Variants in SLC11A2 observed in about 807,000 individuals in gnomAD.
SLC11A2 encodes natural resistance-associated macrophage protein 2.
SLC11A2 carries 38 observed loss-of-function variants against 68.0 expected under a neutral mutation model. The observed-to-expected ratio is 0.56, with a 90% CI of 0.43 to 0.73. The LOEUF is 0.73. Among genes scored for constraint, SLC11A2 ranks in the 30% least tolerant of loss-of-function variants. The pLI is 0.00. For missense variants in SLC11A2, 517 were observed against 690.5 expected (o/e 0.75, Z 2.82); for synonymous variants, 242 against 250.6 (o/e 0.97, Z 0.32).
intron 3 of SLC11A2, 74 bp from the exon 4 acceptor site, chr12:51,005,510 T>C (rs1592381409): frequency 6.2e-7 from 1 of 1,600,048 alleles, no homozygotes; most frequent in Non-Finnish European, 8.5e-7. Flanking sequence ...TGTTATCACA[T>C]ATGAAGCAAC....
chr12:50,996,797 G>A lies in SLC11A2; in HGVS notation c.831+20C>T. On this transcript the variant is annotated intron_variant, in intron 9 of 15. Coordinates refer to ENST00000262052, the MANE Select transcript of SLC11A2 (RefSeq NM_000617.3). ...CCCATGAACTGTCTAGGAGGTGAAG[G>A]AGATAAGGGCCTTGCTCACCTTGAC... 1 of 1,613,122 alleles carries A rather than the reference G, an allele frequency of 6.2e-7. No individual in the cohort carries two copies. The highest frequency in any genetic ancestry group is 1.1e-5 in the South Asian group (1 of 91,054).
At chr12:50,996,787 G>T (rs1941740408) in intron 9 of SLC11A2, 30 bp downstream of exon 9, 1 of 1,609,614 alleles carries the variant, frequency 6.2e-7, no homozygotes, top group Non-Finnish European at 8.5e-7. Context: ...GAACTGTCTA[G>T]GAGGTGAAGG....
At position 50,996,713 on chromosome 12, in the gene SLC11A2, C is replaced by T. The variant is rs1941734644; in HGVS notation, c.831+104G>A. ...TCCAGGCTTGGAAAATACCTTGCTC[C>T]TTCATGGTCCTAATAATTGTAAACT... On this transcript the variant is annotated intron_variant, in intron 9 of 15. Coordinates refer to ENST00000262052, the MANE Select transcript of SLC11A2 (RefSeq NM_000617.3). 4.2e-6 allele frequency: 5 copies of T among 1,199,220 alleles called. No individual in the cohort carries two copies. In the South Asian group the frequency reaches 5.0e-5, roughly 12 times the overall value. The allele number at this position is 1,199,220 out of a possible 1,614,324, so 74.3% of individuals were successfully genotyped here.
chr12:51,010,673 A>G (rs989186565), intron 2 of SLC11A2, 22 bp downstream of exon 2: 2 of 1,367,276 alleles, frequency 1.5e-6, no homozygotes, highest in Non-Finnish European at 2.1e-6. Context: ...AAATTAGACA[A>G]TAACACAAAG....
chr12:51,003,806 C>G (rs897971201), intron 5 of SLC11A2, among the ~76,000 whole-genome samples: 1 of 150,474 alleles, frequency 6.6e-6, no homozygotes, highest in African/African-American at 2.4e-5. Flanking sequence ...TGGGTGTGGT[C>G]GTGCTCGCCT....
chr12:51,008,836 T>C (rs534692485), intron 2 of SLC11A2, among the ~76,000 whole-genome samples: 173 of 152,188 alleles, frequency 1.1e-3, no homozygotes, highest in African/African-American at 3.9e-3. Flanking sequence ...AAGTAAAAAA[T>C]TTAGCCTACA....
intron 1 of SLC11A2, among the ~76,000 whole-genome samples, chr12:51,025,257 G>T (rs1944305107): frequency 6.6e-6 from 1 of 152,216 alleles, no homozygotes; most frequent in South Asian, 2.1e-4. Context: ...AAGTGTTAAG[G>T]GGAAAGAAGG....
At chr12:50,970,559 A>G in the SLC11A2 span, 5 of 1,110,068 alleles carry the variant, frequency 4.5e-6, no homozygotes, top group Non-Finnish European at 6.6e-6. Context: ...ACTATTTATT[A>G]TGAAGAATAA....
chr12:51,008,421 C>A (rs1205249982), intron 3 of SLC11A2, 55 bp downstream of exon 3: 3 of 1,501,176 alleles, frequency 2.0e-6, no homozygotes, highest in African/African-American at 1.4e-5. Flanking sequence ...GCAGATCTTT[C>A]ACTCACAGGT....
downstream of SLC11A2, chr12:50,981,826 G>GA (rs1411638859): frequency 4.2e-5 from 57 of 1,368,004 alleles, 1 homozygote; most frequent in Admixed American, 4.8e-5. Flanking sequence ...AGATGGAAGA[G>GA]GGTTAGACTG....
the SLC11A2 span, chr12:50,960,828 G>A: frequency 1.1e-5 from 7 of 642,458 alleles, no homozygotes; most frequent in Non-Finnish European, 1.5e-5. Flanking sequence ...GACTACAGAC[G>A]TGTATCACCA....
intron 5 of SLC11A2, among the ~76,000 whole-genome samples, chr12:51,003,135 C>A (rs367621952): frequency 1.2e-4 from 18 of 151,684 alleles, no homozygotes; most frequent in Middle Eastern, 3.4e-3. Flanking sequence ...ACTCGGGAGG[C>A]TGAGGCAGGA....
In SLC11A2 at chr12:50,996,920, G is replaced by A; in HGVS notation, c.728C>T (p.Pro243Leu). The stretch of plus-strand genomic sequence containing the variant: ...TGGAGTGCGACAGCCTGAACAGGAT[G>A]GTACGAACATGCCCTTGAGTACCTG... The part of the protein sequence containing the change: ...QSQVLKGMFV[P>L]SCSGCRTPQI... The change falls in exon 9 of 16, where the codon CCA becomes CTA. Residue 243 changes from proline (P) to leucine (L), a missense_variant. Pro to Leu is a moderately conservative substitution (Grantham distance 98, BLOSUM62 -3). Coordinates refer to ENST00000262052, the MANE Select transcript of SLC11A2 (RefSeq NM_000617.3). 1.9e-6 allele frequency: 3 copies of A among 1,613,934 alleles called. No individual in the cohort carries two copies. Among genetic ancestry groups the A allele is most frequent in the Non-Finnish European group, 2.5e-6 (3 of 1,179,932 alleles).
chr12:50,962,719 T>G, the SLC11A2 span, among the ~76,000 whole-genome samples: 27,840 of 151,882 alleles, frequency 0.18, 2,916 homozygotes, highest in East Asian at 0.5. Flanking sequence ...AAAAATTTTT[T>G]TGCTATGGAA....
upstream of SLC11A2, chr12:51,028,180 G>A: frequency 6.5e-7 from 1 of 1,533,508 alleles, no homozygotes; most frequent in Non-Finnish European, 8.7e-7. Flanking sequence ...TACTTACTTA[G>A]TTCACAGTGT....
Position 51,004,856 on chromosome 12 carries a change from G to T in SLC11A2, c.361C>A (p.Leu121Ile). The change falls in exon 5 of 16, where the codon CTT (leucine) becomes ATT (isoleucine). Residue 121 changes from leucine (L) to isoleucine (I), a missense_variant. Transcript: ENST00000262052. ...ATLVGLLLQRLAARLGVVTGL... is the reference protein window; with the variant it reads ...ATLVGLLLQRIAARLGVVTGL... ...GTAACCACTCCCAGTCTAGCTGCAAGCCGCTGGAGCAGCAGCCCCACAAGG... is the reference window on the plus strand; with the variant it reads ...GTAACCACTCCCAGTCTAGCTGCAATCCGCTGGAGCAGCAGCCCCACAAGG... 6.2e-7 allele frequency: 1 copy of T among 1,614,104 alleles called. No homozygotes were observed. The highest frequency in any genetic ancestry group is 8.5e-7 in the Non-Finnish European group (1 of 1,179,950).
At chr12:50,999,489 C>T (rs1312325366) in intron 6 of SLC11A2, 74 bp from the exon 7 acceptor site, 6 of 1,197,830 alleles carry the variant, frequency 5.0e-6, no homozygotes, top group Non-Finnish European at 2.5e-6. Flanking sequence ...CTCTTCCCAA[C>T]AGCTCTCCAG....
chr12:51,020,223 G>GC (rs1429903693), intron 1 of SLC11A2, among the ~76,000 whole-genome samples: 1 of 145,990 alleles, frequency 6.8e-6, no homozygotes, highest in East Asian at 2.0e-4. Context: ...ACCACAGCTG[G>GC]CTTTTTTTTT....
At chr12:50,985,767 A>C (rs1940481607), downstream of SLC11A2, among the ~76,000 whole-genome samples, 1 of 152,186 alleles carries the variant, frequency 6.6e-6, no homozygotes, top group East Asian at 1.9e-4. Context: ...CTATTTGACT[A>C]AGTGGGTAAA....
Sources: gnomAD v4.1 joint callset for allele counts (sites outside exome capture counted in the v4.1 genomes callset) on GRCh38, gnomAD v4.1.1 for gene constraint, MANE v1.5 for transcripts, NCBI Gene and HGNC (gene_info 2026-07-23, HGNC 2026-07-21) for gene names.